ITPR1: variants seen among roughly 807,000 people sequenced by gnomAD.
ITPR1 encodes the protein inositol 1,4,5-trisphosphate-gated calcium channel ITPR1.
A neutral mutation model predicts 318.4 loss-of-function variants in ITPR1; 96 were observed. That is an observed-to-expected ratio of 0.30 (90% CI 0.26 to 0.36). The LOEUF (loss-of-function observed/expected upper bound fraction) is 0.36, where lower values mean the gene tolerates loss of function less well. Ranked by LOEUF, ITPR1 falls within the 10% of genes least tolerant of loss-of-function variation. The pLI, the probability that ITPR1 is intolerant of heterozygous loss-of-function variation, is 1.00. For synonymous variants in ITPR1, 1,312 were observed against 1,289.9 expected (o/e 1.02, Z -0.37); for missense variants, 2,440 against 3,460.2 (o/e 0.71, Z 7.40).
At chr3:4,587,208 C>T (rs1048995222) in intron 4 of ITPR1, among the ~76,000 whole-genome samples, 2 of 143,826 alleles carry the variant, frequency 1.4e-5, no homozygotes, top group Non-Finnish European at 3.0e-5. Context: ...CACTGAGGCC[C>T]AAGGGCCTGC....
intron 4 of ITPR1, among the ~76,000 whole-genome samples, chr3:4,546,473 A>G (rs1311767334): frequency 1.3e-5 from 2 of 152,200 alleles, no homozygotes; most frequent in Non-Finnish European, 2.9e-5. Flanking sequence ...TGGAGCTAAG[A>G]GTTCCTGAAT....
intron 4 of ITPR1, among the ~76,000 whole-genome samples, chr3:4,568,605 G>A (rs2087636796): frequency 6.6e-6 from 1 of 152,188 alleles, no homozygotes; most frequent in Admixed American, 6.5e-5. Context: ...TGGATAGATA[G>A]TGACCAGGTA....
chr3:4,795,148 C>T lies in ITPR1; in HGVS notation c.6892C>T (p.Leu2298=), dbSNP rs754490716. Residue 2298 remains leucine, a synonymous_variant, in exon 53 of 62, where the codon CTG becomes TTG. Transcript: ENST00000649015. The part of the protein sequence containing the change: ...SFNLAVLMNL[L]VAFFYPFKGV... Reference sequence around the variant, plus strand: ...TAACCTGGCCGTCCTGATGAACCTGCTGGTGGCGTTTTTCTACCCGTTTAA... The same window carrying T: ...TAACCTGGCCGTCCTGATGAACCTGTTGGTGGCGTTTTTCTACCCGTTTAA... 1.9e-6 allele frequency: 3 copies of T among 1,613,776 alleles called. No individual in the cohort carries two copies. The Admixed American group carries it at 5.0e-5, about 27-fold the overall frequency.
chr3:4,792,339 G>A (rs1413226594), intron 52 of ITPR1, among the ~76,000 whole-genome samples: 3 of 152,202 alleles, frequency 2.0e-5, no homozygotes, highest in African/African-American at 4.8e-5. Flanking sequence ...CACGTTATTT[G>A]GCTGCCACAG....
intron 49 of ITPR1, among the ~76,000 whole-genome samples, chr3:4,782,074 G>T (rs1350694137): frequency 6.6e-6 from 1 of 152,198 alleles, no homozygotes; most frequent in African/African-American, 2.4e-5. Context: ...ACAGTCCTTG[G>T]CACATAGTAA....
chr3:4,516,451 A>G (rs1202981996), intron 2 of ITPR1, 25 bp from the exon 3 acceptor site: 2 of 1,194,036 alleles, frequency 1.7e-6, no homozygotes, highest in Non-Finnish European at 2.4e-6. Context: ...TCTTCTAACA[A>G]TGCTGCATAT....
intron 4 of ITPR1, among the ~76,000 whole-genome samples, chr3:4,575,956 G>A (rs1299144767): frequency 6.6e-6 from 1 of 151,606 alleles, no homozygotes; most frequent in Non-Finnish European, 1.5e-5. Context: ...GGAGGTCGAG[G>A]CTGCAGTGAG....
chr3:4,759,167 G>T (rs1338686819), intron 44 of ITPR1, among the ~76,000 whole-genome samples: 1 of 152,216 alleles, frequency 6.6e-6, no homozygotes, highest in East Asian at 1.9e-4. Context: ...CCTCGGGGTG[G>T]CTCTTGTTCC....
chr3:4,840,058 T>TTTTA (rs2051227332), intron 61 of ITPR1, among the ~76,000 whole-genome samples: 1 of 134,150 alleles, frequency 7.5e-6, no homozygotes, highest in Non-Finnish European at 1.6e-5. Flanking sequence ...TTTTTTTTTT[T>TTTTA]GAGGGGGCAG....
At chr3:4,562,234 C>G (rs1305986254) in intron 4 of ITPR1, among the ~76,000 whole-genome samples, 1 of 152,152 alleles carries the variant, frequency 6.6e-6, no homozygotes, top group African/African-American at 2.4e-5. Flanking sequence ...TTAGATACAG[C>G]TCATCAAAAT....
At chr3:4,580,380 A>G (rs2089202281) in intron 4 of ITPR1, among the ~76,000 whole-genome samples, 1 of 152,232 alleles carries the variant, frequency 6.6e-6, no homozygotes. Flanking sequence ...TAACTCATCC[A>G]GCCATTCCTT....
At chr3:4,839,909 G>C (rs571706035) in intron 61 of ITPR1, among the ~76,000 whole-genome samples, 1 of 151,762 alleles carries the variant, frequency 6.6e-6, no homozygotes, top group South Asian at 2.1e-4. Flanking sequence ...TTTCTTGGAA[G>C]ATATTATAAG....
rs7623084 is a variant in ITPR1, at chr3:4,772,275, G to A, written c.5980-2967G>A. 5.8e-3 allele frequency among the ~76,000 whole-genome samples: 882 copies of A among 152,362 alleles called. 9 individuals are homozygous for A. The highest frequency in any genetic ancestry group is 0.02 in the African/African-American group (829 of 41,572). ...AGGAGAGAGTGTTCAGCTTCCTGGT[G>A]TAAAGCAGCTCAGAGTCAGCACAGA... is the stretch of plus-strand genomic sequence containing the variant. On this transcript the variant is annotated intron_variant, in intron 46 of 61. Transcript: ENST00000649015.
chr3:4,620,300 A>G (rs757604890), intron 4 of ITPR1, among the ~76,000 whole-genome samples: 7 of 152,172 alleles, frequency 4.6e-5, no homozygotes, highest in East Asian at 1.9e-4. Flanking sequence ...CAGAGCCTCA[A>G]TGGTCCATTT....
chr3:4,625,025 CT>C, intron 4 of ITPR1, among the ~76,000 whole-genome samples: 1 of 152,264 alleles, frequency 6.6e-6, no homozygotes, highest in South Asian at 2.1e-4. Flanking sequence ...CCTGCTTTAT[CT>C]TTTGTTTTCC....
chr3:4,695,209 T>C (rs2094539103), intron 33 of ITPR1, among the ~76,000 whole-genome samples: 3 of 152,188 alleles, frequency 2.0e-5, no homozygotes, highest in Admixed American at 2.0e-4. Flanking sequence ...TTGCATTCTT[T>C]TCACAGTCTT....
intron 5 of ITPR1, among the ~76,000 whole-genome samples, chr3:4,632,924 C>G (rs1330024111): frequency 1.5e-5 from 2 of 137,652 alleles, no homozygotes; most frequent in Admixed American, 1.4e-4. Flanking sequence ...ATGTGACTTT[C>G]AGGTCTTTTT....
At chr3:4,527,516 G>A (rs989456141) in intron 4 of ITPR1, among the ~76,000 whole-genome samples, 1 of 152,134 alleles carries the variant, frequency 6.6e-6, no homozygotes, top group African/African-American at 2.4e-5. Flanking sequence ...CCAGCTGTGG[G>A]ATGCGCAGTA....
intron 53 of ITPR1, among the ~76,000 whole-genome samples, chr3:4,796,433 G>T (rs980064298): frequency 2.5e-4 from 38 of 152,158 alleles, no homozygotes; most frequent in African/African-American, 9.2e-4. Context: ...CAGCAGAGGA[G>T]TGCGTGGCAG....
Sources: allele counts gnomAD v4.1 joint callset (sites outside exome capture counted in the v4.1 genomes callset), GRCh38; gene constraint gnomAD v4.1.1; transcripts MANE v1.5; gene names NCBI Gene and HGNC (gene_info 2026-07-23, HGNC 2026-07-21).